Variants in PALD1 observed in about 807,000 individuals in gnomAD.
PALD1 encodes paladin.
PALD1 carries 57 observed loss-of-function variants against 96.0 expected under a neutral mutation model. The observed-to-expected ratio is 0.59, with a 90% CI of 0.48 to 0.74. PALD1 has a LOEUF of 0.74. Among genes scored for constraint, PALD1 ranks in the 30% least tolerant of loss-of-function variants. The pLI is 0.00. For missense variants in PALD1, 1,063 were observed against 1,143.7 expected, an observed-to-expected ratio of 0.93 and a Z score of 1.02; for synonymous variants, 464 against 473.6, an observed-to-expected ratio of 0.98 and a Z score of 0.26.
intron 1 of PALD1, among the ~76,000 whole-genome samples, chr10:70,504,281 C>A (rs1846347852): frequency 6.6e-6 from 1 of 152,196 alleles, no homozygotes; most frequent in African/African-American, 2.4e-5. Flanking sequence ...AATCCCAGCA[C>A]TTTGGGAGGC....
the PALD1 span, among the ~76,000 whole-genome samples, chr10:70,458,965 C>T: frequency 5.9e-5 from 9 of 152,360 alleles, no homozygotes; most frequent in Non-Finnish European, 8.8e-5. Flanking sequence ...ACCATCACCG[C>T]CTTACCGCGG....
intron 1 of PALD1, among the ~76,000 whole-genome samples, chr10:70,505,890 G>A (rs531728192): frequency 2.5e-3 from 375 of 152,010 alleles, no homozygotes; most frequent in African/African-American, 8.4e-3. Context: ...GCATGGTGGC[G>A]CATACCTGTA....
At chr10:70,538,726 A>AC (rs1847166838) in intron 12 of PALD1, among the ~76,000 whole-genome samples, 166 bp from the exon 13 acceptor site, 1 of 152,124 alleles carries the variant, frequency 6.6e-6, no homozygotes, top group Non-Finnish European at 1.5e-5. Flanking sequence ...GCACCATTGC[A>AC]CTTCTTCTTG....
intron 7 of PALD1, 23 bp downstream of exon 7, chr10:70,533,093 T>C (rs1305696390): frequency 5.8e-6 from 9 of 1,557,432 alleles, no homozygotes. Flanking sequence ...CGGGCGCGCA[T>C]GGGGGAGGAG....
chr10:70,549,926 C>G (rs983896436), intron 18 of PALD1, among the ~76,000 whole-genome samples: 1 of 152,192 alleles, frequency 6.6e-6, no homozygotes, highest in Non-Finnish European at 1.5e-5. Flanking sequence ...GTCACCCACC[C>G]CCTTTCCAAA....
chr10:70,507,488 G>A (rs1222671971), intron 1 of PALD1, among the ~76,000 whole-genome samples: 7 of 152,164 alleles, frequency 4.6e-5, no homozygotes, highest in Non-Finnish European at 1.0e-4. Flanking sequence ...GCAGTGGTGC[G>A]ATCACAGCTC....
At chr10:70,479,629 G>A (rs773133694) in intron 1 of PALD1, among the ~76,000 whole-genome samples, 2 of 152,220 alleles carry the variant, frequency 1.3e-5, no homozygotes, top group Non-Finnish European at 2.9e-5. Context: ...AGAGAGAGTG[G>A]CCTATGGGAG....
chr10:70,538,291 C>G lies in PALD1; in HGVS notation c.1335C>G (p.Ala445=), dbSNP rs1425810816. 6.2e-7 allele frequency: 1 copy of G among 1,602,978 alleles called. No individual in the cohort carries two copies. The highest frequency in any genetic ancestry group is 8.5e-7 in the Non-Finnish European group (1 of 1,179,936). ...GCCTCGGGCTGCAGTACCCGCTGGCCTTTGCCCTCAGTTTCAGCCGCTGGC... is the reference window on the plus strand; with the variant it reads ...GCCTCGGGCTGCAGTACCCGCTGGCGTTTGCCCTCAGTTTCAGCCGCTGGC... ...NYYLHEQYPL[A]FALSFSRWLC... is the part of the protein sequence containing the mutation. The change falls in exon 12 of 20, where the codon GCC becomes GCG. Residue 445 remains alanine, a synonymous_variant. Coordinates refer to ENST00000263563, the MANE Select transcript of PALD1 (RefSeq NM_014431.3).
At chr10:70,553,864 G>A (rs545549892) in intron 18 of PALD1, among the ~76,000 whole-genome samples, 3 of 152,340 alleles carry the variant, frequency 2.0e-5, no homozygotes, top group East Asian at 1.9e-4. Flanking sequence ...GACTGACCAG[G>A]AGAAGGACAA....
At chr10:70,481,274 G>A (rs1845926894) in intron 1 of PALD1, among the ~76,000 whole-genome samples, 1 of 152,220 alleles carries the variant, frequency 6.6e-6, no homozygotes, top group Non-Finnish European at 1.5e-5. Context: ...AGACACAGGT[G>A]GGTTCTGAGA....
At chr10:70,551,241 G>A (rs1589215733) in intron 18 of PALD1, among the ~76,000 whole-genome samples, 1 of 152,200 alleles carries the variant, frequency 6.6e-6, no homozygotes, top group African/African-American at 2.4e-5. Flanking sequence ...CTGGAAATTG[G>A]CAGCTGGGTC....
intron 18 of PALD1, among the ~76,000 whole-genome samples, chr10:70,552,049 G>T (rs1001698178): frequency 2.0e-5 from 3 of 152,352 alleles, no homozygotes; most frequent in South Asian, 4.1e-4. Context: ...CCTAGGCTGT[G>T]TTTATGCATT....
chr10:70,533,220 GTC>G, intron 7 of PALD1, 150 bp downstream of exon 7: 1 of 680,386 alleles, frequency 1.5e-6, no homozygotes, highest in South Asian at 1.8e-5. Context: ...GTGTGTTGGT[GTC>G]TGTCTCTGTA....
chr10:70,546,167 G>A (rs1328529702), intron 17 of PALD1, among the ~76,000 whole-genome samples: 3 of 150,850 alleles, frequency 2.0e-5, no homozygotes, highest in Non-Finnish European at 4.4e-5. Flanking sequence ...AACCTAAGAG[G>A]CAGAGGTTGC....
In PALD1 at chr10:70,540,763, C is replaced by G. The variant is rs988229331; in HGVS notation, c.1909-339C>G. Among the ~76,000 whole-genome samples, 1 of 152,150 alleles carries G rather than the reference C, an allele frequency of 6.6e-6. No individual in the cohort carries two copies. The highest frequency in any genetic ancestry group is 2.1e-4 in the South Asian group (1 of 4,824). ...TCAGGTGGGTGGCAGGGCCAGCAGTCTATGTGCAGCCCAGGGGCGCAGTAC... is the reference window on the plus strand; with the variant it reads ...TCAGGTGGGTGGCAGGGCCAGCAGTGTATGTGCAGCCCAGGGGCGCAGTAC... On this transcript the variant is annotated intron_variant, in intron 15 of 19. Transcript: ENST00000263563. The surrounding 1 kb of genome is among the most constrained non-coding windows in gnomAD (Gnocchi z 4.2).
upstream of PALD1, among the ~76,000 whole-genome samples, chr10:70,477,546 T>G (rs1480858465): frequency 6.6e-6 from 1 of 152,252 alleles, no homozygotes; most frequent in East Asian, 1.9e-4. Context: ...TCCCTGGGCC[T>G]GTTTCCTCAT....
chr10:70,513,631 C>G (rs1184535322), intron 1 of PALD1, among the ~76,000 whole-genome samples: 1 of 152,196 alleles, frequency 6.6e-6, no homozygotes, highest in African/African-American at 2.4e-5. Flanking sequence ...GGCATTACCC[C>G]CAAACGCTTC....
In PALD1 at chr10:70,539,204, G is replaced by A; in HGVS notation, c.1682G>A (p.Ser561Asn). ...AVLECDGHTY[S>N]LRWPGPPVAP... ...TTGGAGTGTGACGGGCACACCTACA[G>A]CCTGCGGTGGCCTGGGCCCCCTGTG... The change falls in exon 14 of 20, where the codon AGC becomes AAC. Residue 561 changes from serine (S) to asparagine (N), a missense_variant. By Grantham distance (46) the Ser-to-Asn change is conservative. Transcript: ENST00000263563. The surrounding 1 kb of genome is among the most constrained non-coding windows in gnomAD (Gnocchi z 4.5). 1 of 1,612,232 alleles carries A rather than the reference G, an allele frequency of 6.2e-7. No individual in the cohort carries two copies. The highest frequency in any genetic ancestry group is 1.1e-5 in the South Asian group (1 of 90,706).
At chr10:70,555,999 T>TCAAAA (rs1847601721) in intron 18 of PALD1, among the ~76,000 whole-genome samples, 1 of 150,652 alleles carries the variant, frequency 6.6e-6, no homozygotes, top group Non-Finnish European at 1.5e-5. Context: ...AGACTCCATC[T>TCAAAA]CAAAACAAAA....
Sources: allele counts gnomAD v4.1 joint callset (sites outside exome capture counted in the v4.1 genomes callset), GRCh38; gene constraint gnomAD v4.1.1; non-coding constraint Gnocchi (gnomAD v3.1); transcripts MANE v1.5; gene names NCBI Gene and HGNC (gene_info 2026-07-23, HGNC 2026-07-21).